Variants in SCN7A observed in about 807,000 individuals in gnomAD.
The protein encoded by SCN7A is sodium channel protein type 7 subunit alpha.
Under a neutral mutation model 155.2 loss-of-function variants are expected in SCN7A, and 138 were observed. The ratio of observed to expected loss-of-function variants is 0.89; its 90% confidence interval spans 0.77 to 1.02. The LOEUF is 1.02. Ranked by LOEUF, SCN7A falls within the 50% of genes least tolerant of loss-of-function variation. The pLI is 0.00. For synonymous variants in SCN7A, 693 were observed against 649.0 expected (o/e 1.07, Z -1.03); for missense variants, 2,058 against 1,986.6 (o/e 1.04, Z -0.68).
intron 15 of SCN7A, among the ~76,000 whole-genome samples, chr2:166,438,319 T>C (rs1701881382): frequency 1.3e-5 from 2 of 152,144 alleles, no homozygotes; most frequent in Non-Finnish European, 2.9e-5. Context: ...CCTTCTGCCA[T>C]GATTGTAAGT....
rs1701967606 is a variant in SCN7A, at chr2:166,441,751, A to G, written c.1802T>C (p.Leu601Ser). 1 of 1,595,102 alleles carries G rather than the reference A, an allele frequency of 6.3e-7. No individual in the cohort carries two copies. Among genetic ancestry groups the G allele is most frequent in the African/African-American group, 1.4e-5 (1 of 73,910 alleles). Reference sequence around the variant, plus strand: ...ATACTTTCCCAACTTGAAAATTCTTAACTAATAGAGCAATGTAAAATCAAG... The same window carrying G: ...ATACTTTCCCAACTTGAAAATTCTTGACTAATAGAGCAATGTAAAATCAAG... ...GMALLRLFRM[L>S]RIFKLGKYWP... The change falls in exon 15 of 26, where the codon TTA becomes TCA. Residue 601 changes from leucine (L) to serine (S), a missense_variant and splice_region_variant. Transcript: ENST00000643258.
At chr2:166,457,153 G>A in intron 10 of SCN7A, 77 bp from the exon 11 acceptor site, 4 of 1,071,524 alleles carry the variant, frequency 3.7e-6, no homozygotes, top group South Asian at 1.6e-5. Flanking sequence ...TAAAATAAAA[G>A]GCAAAATTTT....
chr2:166,447,092 CT>C (rs924699142), intron 12 of SCN7A, among the ~76,000 whole-genome samples: 6 of 152,126 alleles, frequency 3.9e-5, no homozygotes, highest in Admixed American at 3.3e-4. Context: ...TGAATTTCCT[CT>C]ATTGTGTTCA....
At chr2:166,412,389 C>T in intron 23 of SCN7A, 141 bp downstream of exon 23, 1 of 1,007,424 alleles carries the variant, frequency 9.9e-7, no homozygotes, top group Non-Finnish European at 1.3e-6. Flanking sequence ...GAACATTAAT[C>T]ATGATTTTTT....
At chr2:166,449,948 G>T (rs1362183171) in intron 11 of SCN7A, among the ~76,000 whole-genome samples, 1 of 152,098 alleles carries the variant, frequency 6.6e-6, no homozygotes, top group South Asian at 2.1e-4. Flanking sequence ...ATTAGAGCCA[G>T]CACCCCCAAT....
At chr2:166,429,365 A>C in intron 16 of SCN7A, 91 bp from the exon 17 acceptor site, 1 of 759,472 alleles carries the variant, frequency 1.3e-6, no homozygotes, top group Non-Finnish European at 2.2e-6. Flanking sequence ...AAGTAAGAAA[A>C]ATTTTGTACA....
chr2:166,427,716 A>G, intron 18 of SCN7A, 72 bp downstream of exon 18: 2 of 1,378,330 alleles, frequency 1.5e-6, no homozygotes, highest in Non-Finnish European at 2.0e-6. Flanking sequence ...CCTGGTTTTG[A>G]CTTTCTGAAT....
chr2:166,418,284 C>A (rs1213444976), intron 20 of SCN7A, among the ~76,000 whole-genome samples: 3 of 60,668 alleles, frequency 4.9e-5, no homozygotes, highest in Non-Finnish European at 9.2e-5. Context: ...CCCCGCCAGG[C>A]TTTTTTTTTT....
At chr2:166,452,131 T>C (rs1230422346) in intron 11 of SCN7A, among the ~76,000 whole-genome samples, 1 of 152,136 alleles carries the variant, frequency 6.6e-6, no homozygotes, top group African/African-American at 2.4e-5. Flanking sequence ...AAACATTTAC[T>C]TGGCAGTTTT....
intron 13 of SCN7A, 86 bp from the exon 14 acceptor site, chr2:166,443,762 G>A (rs1702007149): frequency 8.7e-6 from 8 of 917,302 alleles, no homozygotes; most frequent in South Asian, 3.6e-5. Context: ...GACACACACT[G>A]TTTACTTGTC....
Position 166,486,963 on chromosome 2 carries a change from G to A in SCN7A, c.-122C>T, listed in dbSNP as rs935501616. 4 of 152,308 alleles carry A rather than the reference G, an allele frequency of 2.6e-5. 1 individual carries two copies. Among genetic ancestry groups the A allele is most frequent in the Non-Finnish European group, 2.9e-5 (2 of 68,042 alleles). The allele number at this position is 152,308 out of a possible 1,614,324, so 9.4% of individuals were successfully genotyped here. A position where few individuals can be genotyped will look rare whatever the true frequency, so the allele number is the denominator to read the frequency against. ...TGGCCATGTTGGCATTCACATGGTGGAGGACCTGTTGCAAAACAGTTCTAA... is the reference window on the plus strand; with the variant it reads ...TGGCCATGTTGGCATTCACATGGTGAAGGACCTGTTGCAAAACAGTTCTAA... On this transcript the variant is annotated 5_prime_UTR_variant, in exon 2 of 26. Coordinates refer to ENST00000643258, the MANE Select transcript of SCN7A (RefSeq NM_002976.4).
rs185697301 is a variant in SCN7A at position 166,452,918 on chromosome 2, G to A, written c.1290+3952C>T. ...ATAAACATTTTATGTGACTGCTATC[G>A]TCATTTTTATTGTTATTTTAATTAT... On this transcript the variant is annotated intron_variant, in intron 11 of 25. Transcript: ENST00000643258. Among the ~76,000 whole-genome samples the A allele has an allele frequency of 2.0e-3, 310 of 152,156 alleles. 1 individual carries two copies. The highest frequency in any genetic ancestry group is 6.7e-3 in the African/African-American group (279 of 41,514).
chr2:166,408,549 C>T (rs1440679417), intron 25 of SCN7A, among the ~76,000 whole-genome samples: 1 of 151,988 alleles, frequency 6.6e-6, no homozygotes, highest in Non-Finnish European at 1.5e-5. Context: ...TCTCATAGGA[C>T]CCTAATTCCA....
At chr2:166,430,117 T>C (rs1477481476) in intron 16 of SCN7A, among the ~76,000 whole-genome samples, 1 of 152,018 alleles carries the variant, frequency 6.6e-6, no homozygotes, top group Non-Finnish European at 1.5e-5. Context: ...CATTTTAACA[T>C]TTGGAATGAA....
chr2:166,462,136 T>TTC, intron 10 of SCN7A: 1 of 304,126 alleles, frequency 3.3e-6, no homozygotes, highest in Non-Finnish European at 6.0e-6. Context: ...ACACACTCTC[T>TTC]TCTCTCTCTC....
intron 15 of SCN7A, chr2:166,436,469 T>C (rs1412339779): frequency 5.2e-6 from 2 of 386,552 alleles, no homozygotes; most frequent in East Asian, 8.4e-5. Flanking sequence ...GTTAAACCTC[T>C]TTCTTTTGTA....
At chr2:166,414,120 T>TATGTA (rs1559088156) in intron 21 of SCN7A, among the ~76,000 whole-genome samples, 1 of 86,402 alleles carries the variant, frequency 1.2e-5, no homozygotes, top group Admixed American at 1.7e-4. Flanking sequence ...TAAATATATA[T>TATGTA]AATATATTAT....
chr2:166,433,975 T>G (rs1325493313), intron 15 of SCN7A, among the ~76,000 whole-genome samples: 1 of 152,168 alleles, frequency 6.6e-6, no homozygotes, highest in African/African-American at 2.4e-5. Context: ...TTCCAGAGAA[T>G]CAGATTTTAA....
At chr2:166,446,486 GA>G (rs1227988901) in intron 12 of SCN7A, among the ~76,000 whole-genome samples, 1 of 152,184 alleles carries the variant, frequency 6.6e-6, no homozygotes, top group Non-Finnish European at 1.5e-5. Context: ...TCTAGAACCA[GA>G]AATACCATTT....
Sources: allele counts gnomAD v4.1 joint callset (sites outside exome capture counted in the v4.1 genomes callset), GRCh38; gene constraint gnomAD v4.1.1; transcripts MANE v1.5; gene names NCBI Gene and HGNC (gene_info 2026-07-23, HGNC 2026-07-21).